Variants in TOPBP1 observed in about 807,000 individuals in gnomAD.
TOPBP1 encodes DNA topoisomerase 2-binding protein 1.
TOPBP1 carries 28 observed loss-of-function variants against 167.7 expected under a neutral mutation model. The ratio of observed to expected loss-of-function variants is 0.17; its 90% CI spans 0.12 to 0.23. The LOEUF is 0.23. Among genes scored for constraint, TOPBP1 ranks in the 10% least tolerant of loss-of-function variants. TOPBP1 has a pLI of 1.00. For missense variants in TOPBP1, 1,554 were observed against 1,809.6 expected, an observed-to-expected ratio of 0.86 and a Z score of 2.56; for synonymous variants, 598 against 611.4, an observed-to-expected ratio of 0.98 and a Z score of 0.32.
chr3:133,622,965 C>T, intron 19 of TOPBP1, 126 bp downstream of exon 19: 3 of 559,454 alleles, frequency 5.4e-6, no homozygotes, highest in South Asian at 6.0e-5. Context: ...GCTCACAAGG[C>T]AGGAGGATCC....
rs778961805 is a variant in TOPBP1 at position 133,601,316 on chromosome 3, A to C, written c.4503T>G (p.Thr1501=). The part of the protein sequence containing the change: ...SFIQNNKELG[T]GLSQKRKAPT... ...GAGCTTTCCTCTTTTGTGATAATCC[A>C]GTCCCAAGTTCCTTATTATTCTGAA... The change falls in exon 28 of 28, where the codon ACT becomes ACG. Residue 1501 remains threonine (T), a synonymous_variant. Transcript: ENST00000260810. 5.0e-6 allele frequency: 8 copies of C among 1,605,580 alleles called. No homozygotes were observed. Among genetic ancestry groups the C allele is most frequent in the Non-Finnish European group, 6.8e-6 (8 of 1,176,122 alleles).
In TOPBP1 at chr3:133,606,907, GA is replaced by G. The variant is rs777959204; in HGVS notation, c.4425+1627del. On this transcript the variant is annotated intron_variant, in intron 27 of 27. Coordinates refer to ENST00000260810, the MANE Select transcript of TOPBP1 (RefSeq NM_007027.4). ...TAAAAGCTAAAACAATAACTTTTTA[GA>G]AAAAAATATTAAATACACACACACA... Among the ~76,000 whole-genome samples, 36 of 151,738 alleles carry G rather than the reference GA, an allele frequency of 2.4e-4. 1 individual carries two copies. The highest frequency in any genetic ancestry group is 6.8e-4 in the African/African-American group (28 of 41,384).
intron 2 of TOPBP1, among the ~76,000 whole-genome samples, chr3:133,660,370 G>C (rs1206689257): frequency 6.6e-6 from 1 of 152,140 alleles, no homozygotes; most frequent in Non-Finnish European, 1.5e-5. Flanking sequence ...AGCTCTGAAA[G>C]AACAGAAATC....
chr3:133,639,224 A>AGGGT (rs1935803303), intron 13 of TOPBP1, among the ~76,000 whole-genome samples: 1 of 152,224 alleles, frequency 6.6e-6, no homozygotes, highest in Non-Finnish European at 1.5e-5. Flanking sequence ...ATGTCTATCA[A>AGGGT]TGATAGACTG....
chr3:133,601,140 G>C lies in TOPBP1; in HGVS notation c.*110C>G. On this transcript the variant is annotated 3_prime_UTR_variant, in exon 28 of 28. Coordinates refer to ENST00000260810, the MANE Select transcript of TOPBP1 (RefSeq NM_007027.4). Reference sequence around the variant, plus strand: ...AGGGTCATCATTATACTCTGAAGCAGAATTCTTCAGGTACTCATCTTTAAA... The same window carrying C: ...AGGGTCATCATTATACTCTGAAGCACAATTCTTCAGGTACTCATCTTTAAA... The C allele has an allele frequency of 5.5e-6, 5 of 904,926 alleles. No homozygotes were observed. The allele number at this position is 904,926 out of a possible 1,614,324, so 56.1% of individuals were successfully genotyped here.
At chr3:133,627,333 A>G (rs1406281884) in intron 16 of TOPBP1, among the ~76,000 whole-genome samples, 1 of 152,202 alleles carries the variant, frequency 6.6e-6, no homozygotes, top group East Asian at 1.9e-4. Context: ...AAAAAAAAAT[A>G]TACACACACC....
chr3:133,616,286 AT>A (rs35542845), intron 23 of TOPBP1, among the ~76,000 whole-genome samples: 21,342 of 151,756 alleles, frequency 0.14, 1,848 homozygotes, highest in Non-Finnish European at 0.2. Flanking sequence ...CGTCTCGCAA[AT>A]TTTTTTGTAT....
chr3:133,612,384 C>CA lies in TOPBP1; in HGVS notation c.4035+4dup, dbSNP rs1187343441. The CA allele has an allele frequency of 6.2e-7, 1 of 1,613,396 alleles. No individual in the cohort carries two copies. The highest frequency in any genetic ancestry group is 8.5e-7 in the Non-Finnish European group (1 of 1,179,700). On this transcript the variant is annotated splice_donor_region_variant and intron_variant, in intron 24 of 27. Coordinates refer to ENST00000260810, the MANE Select transcript of TOPBP1 (RefSeq NM_007027.4). ...AAATAAACTTCCACAAATCTGAATA[C>CA]ACACCTGCACGAAGTGTCCAGCAGT...
intron 1 of TOPBP1, among the ~76,000 whole-genome samples, chr3:133,661,460 T>A (rs1936711517): frequency 6.6e-6 from 1 of 152,242 alleles, no homozygotes; most frequent in South Asian, 2.1e-4. Context: ...AGAGTGTATC[T>A]GTCCCTGCGG....
At chr3:133,614,123 A>G (rs1398612043) in intron 23 of TOPBP1, among the ~76,000 whole-genome samples, 1 of 152,164 alleles carries the variant, frequency 6.6e-6, no homozygotes, top group Admixed American at 6.5e-5. Context: ...TTAACAAAAC[A>G]TTCAAACTCA....
chr3:133,638,262 T>C, intron 13 of TOPBP1, 100 bp from the exon 14 acceptor site: 1 of 1,167,910 alleles, frequency 8.6e-7, no homozygotes, highest in Non-Finnish European at 1.2e-6. Flanking sequence ...TTTCCTTTCT[T>C]TCTTGCATAA....
At chr3:133,638,327 G>A (rs1156624873) in intron 13 of TOPBP1, among the ~76,000 whole-genome samples, 165 bp from the exon 14 acceptor site, 1 of 152,094 alleles carries the variant, frequency 6.6e-6, no homozygotes, top group East Asian at 1.9e-4. Context: ...TAGTTTTCAT[G>A]TCAATTCTCA....
At chr3:133,643,929 C>T (rs1935985808) in intron 11 of TOPBP1, 91 bp downstream of exon 11, 2 of 1,294,652 alleles carry the variant, frequency 1.5e-6, no homozygotes, top group East Asian at 2.4e-5. Flanking sequence ...CATTGATTTA[C>T]TGTAACTGAA....
chr3:133,641,967 C>G (rs1935901757), intron 12 of TOPBP1, among the ~76,000 whole-genome samples: 1 of 152,116 alleles, frequency 6.6e-6, no homozygotes, highest in Non-Finnish European at 1.5e-5. Context: ...AACCCCCTTC[C>G]CTCCCTTCTT....
chr3:133,635,501 C>T (rs1344527005), intron 14 of TOPBP1, among the ~76,000 whole-genome samples: 1 of 152,154 alleles, frequency 6.6e-6, no homozygotes, highest in African/African-American at 2.4e-5. Context: ...AGTGAGGCTC[C>T]CACCTCAGCC....
chr3:133,605,826 G>A (rs1033314613), intron 27 of TOPBP1, among the ~76,000 whole-genome samples: 8 of 152,196 alleles, frequency 5.3e-5, no homozygotes, highest in African/African-American at 1.7e-4. Context: ...TCTCTTTGCA[G>A]ATAAAATGAT....
chr3:133,647,879 G>A (rs932780952), intron 10 of TOPBP1, among the ~76,000 whole-genome samples: 1 of 152,112 alleles, frequency 6.6e-6, no homozygotes, highest in African/African-American at 2.4e-5. Context: ...ATAAGGACAG[G>A]TTAAGTGACC....
rs528235310 is a variant in TOPBP1 at position 133,611,104 on chromosome 3, T to G, written c.4073A>C (p.Asp1358Ala). The G allele has an allele frequency of 6.2e-7, 1 of 1,613,030 alleles. No individual in the cohort carries two copies. Among genetic ancestry groups the G allele is most frequent in the Non-Finnish European group, 8.5e-7 (1 of 1,179,450 alleles). ...CTGTACATTGATTCCAGTCAGAACA[T>G]CAAGTATGGAACTACTTCCCCATTC... ...DYEWGSSSIL[D>A]VLTGINVQQR... The change falls in exon 25 of 28, where the codon GAT becomes GCT. Residue 1358 changes from aspartate (D) to alanine (A), a missense_variant. Physicochemically the swap from Asp to Ala is moderately radical, Grantham distance 126. Coordinates refer to ENST00000260810, the MANE Select transcript of TOPBP1 (RefSeq NM_007027.4).
chr3:133,653,821 G>A (rs139230678), intron 6 of TOPBP1, among the ~76,000 whole-genome samples: 138 of 152,014 alleles, frequency 9.1e-4, no homozygotes, highest in African/African-American at 3.2e-3. Flanking sequence ...TAGTAGACAC[G>A]GGGTTTCACC....
Sources: allele counts gnomAD v4.1 joint callset (sites outside exome capture counted in the v4.1 genomes callset), GRCh38; gene constraint gnomAD v4.1.1; transcripts MANE v1.5; gene names NCBI Gene and HGNC (gene_info 2026-07-23, HGNC 2026-07-21).